Variants in CYP4X1 observed in about 807,000 individuals in gnomAD.
CYP4X1 encodes the protein cytochrome P450 4X1.
In CYP4X1, 44 loss-of-function variants were observed where a neutral mutation model predicts 57.9. The observed-to-expected ratio is 0.76, with a 90% CI of 0.60 to 0.98. The LOEUF (loss-of-function observed/expected upper bound fraction) is 0.98, where lower values mean the gene tolerates loss of function less well. Ranked by LOEUF, CYP4X1 falls within the 50% of genes least tolerant of loss-of-function variation. The pLI is 0.00. For synonymous variants in CYP4X1, 227 were observed against 228.6 expected (o/e 0.99, Z 0.06); for missense variants, 532 against 623.9 (o/e 0.85, Z 1.57).
the CYP4X1 span, among the ~76,000 whole-genome samples, chr1:46,983,206 G>C: frequency 6.6e-6 from 1 of 152,198 alleles, no homozygotes; most frequent in Non-Finnish European, 1.5e-5. Context: ...CAGTGGCAGA[G>C]GGCATGTCTG....
At chr1:47,044,779 A>T (rs1281224433) in intron 8 of CYP4X1, among the ~76,000 whole-genome samples, 2 of 151,314 alleles carry the variant, frequency 1.3e-5, no homozygotes, top group Admixed American at 6.6e-5. Flanking sequence ...AATGGACAAA[A>T]TTGTTTTTTT....
At chr1:46,964,750 C>T in the CYP4X1 span, among the ~76,000 whole-genome samples, 4 of 152,218 alleles carry the variant, frequency 2.6e-5, no homozygotes, top group East Asian at 7.7e-4. Context: ...GGGAGAACCA[C>T]TACTCTCTTC....
At chr1:47,042,277 A>G (rs1569646034) in intron 8 of CYP4X1, among the ~76,000 whole-genome samples, 1 of 130,596 alleles carries the variant, frequency 7.7e-6, no homozygotes, top group African/African-American at 3.0e-5. Context: ...TTCCATACGA[A>G]TTTTAGGGCT....
At chr1:47,005,322 G>A in the CYP4X1 span, among the ~76,000 whole-genome samples, 1 of 152,136 alleles carries the variant, frequency 6.6e-6, no homozygotes, top group Non-Finnish European at 1.5e-5. Flanking sequence ...CCCAAGCAGG[G>A]GGCTTGGTTA....
the CYP4X1 span, among the ~76,000 whole-genome samples, chr1:46,962,803 C>T: frequency 2.6e-4 from 40 of 152,190 alleles, no homozygotes; most frequent in Non-Finnish European, 4.3e-4. Context: ...TCTTGGATAT[C>T]GGTTGTTAAC....
chr1:46,972,712 G>A, the CYP4X1 span, among the ~76,000 whole-genome samples: 1 of 151,996 alleles, frequency 6.6e-6, no homozygotes, highest in South Asian at 2.1e-4. Flanking sequence ...GAATGGGATT[G>A]CATTTCTGAG....
At chr1:47,030,251 A>G in intron 2 of CYP4X1, 120 bp downstream of exon 2, 1 of 1,273,894 alleles carries the variant, frequency 7.8e-7, no homozygotes, top group Non-Finnish European at 1.1e-6. Flanking sequence ...AGCAGCAAGT[A>G]TGGGGAGGTG....
At chr1:47,041,744 T>C (rs1444909290) in intron 8 of CYP4X1, among the ~76,000 whole-genome samples, 1 of 149,502 alleles carries the variant, frequency 6.7e-6, no homozygotes, top group Non-Finnish European at 1.5e-5. Flanking sequence ...CTTCACTATG[T>C]TGATTGTTTC....
intron 1 of CYP4X1, among the ~76,000 whole-genome samples, chr1:47,027,295 G>C (rs1644078207): frequency 6.6e-6 from 1 of 151,724 alleles, no homozygotes; most frequent in African/African-American, 2.4e-5. Flanking sequence ...TCCTTTTGGT[G>C]ATTCACCATG....
chr1:47,017,706 G>A, the CYP4X1 span, among the ~76,000 whole-genome samples: 1 of 152,140 alleles, frequency 6.6e-6, no homozygotes, highest in African/African-American at 2.4e-5. Context: ...AGGCTAATCA[G>A]AAACTCAAAA....
the CYP4X1 span, among the ~76,000 whole-genome samples, chr1:46,981,478 A>G: frequency 6.6e-6 from 1 of 152,160 alleles, no homozygotes; most frequent in Non-Finnish European, 1.5e-5. Flanking sequence ...AAAGTCAGGA[A>G]ACAACAGGTG....
chr1:47,024,133 T>C, intron 1 of CYP4X1, 139 bp downstream of exon 1: 6 of 1,040,310 alleles, frequency 5.8e-6, no homozygotes, highest in Non-Finnish European at 8.2e-6. Flanking sequence ...CAGCCCGGCC[T>C]GTGGCTCTTA....
chr1:47,030,096 A>G lies in CYP4X1; in HGVS notation c.284A>G (p.Asp95Gly). The G allele has an allele frequency of 6.2e-7, 1 of 1,614,072 alleles. No individual in the cohort carries two copies. The highest frequency in any genetic ancestry group is 1.1e-5 in the South Asian group (1 of 91,064). Residue 95 changes from aspartate to glycine, a missense_variant, in exon 2 of 12, where the codon GAC becomes GGC. Physicochemically the swap from Asp to Gly is moderately conservative, Grantham distance 94 (BLOSUM62 -1). Transcript: ENST00000371901. The stretch of plus-strand genomic sequence containing the variant: ...TTTCAGGCATTTTTCTGTATCTATG[A>G]CCCAGACTATGCAAAGACACTTCTG... ...GPFQAFFCIYDPDYAKTLLSR... is the reference protein window; with the variant it reads ...GPFQAFFCIYGPDYAKTLLSR...
the CYP4X1 span, among the ~76,000 whole-genome samples, chr1:47,014,905 G>A: frequency 3.3e-5 from 5 of 152,266 alleles, no homozygotes; most frequent in South Asian, 2.1e-4. Context: ...AGCACAGGTC[G>A]TATAGCCCAC....
chr1:47,039,744 T>C (rs926993244), intron 8 of CYP4X1: 2 of 378,206 alleles, frequency 5.3e-6, no homozygotes, highest in African/African-American at 4.2e-5. Context: ...CCATAAATTG[T>C]CTGTCATTGG....
At chr1:47,007,909 A>T in the CYP4X1 span, among the ~76,000 whole-genome samples, 16 of 152,240 alleles carry the variant, frequency 1.1e-4, no homozygotes, top group Admixed American at 2.0e-4. Context: ...GCCTCCAAGA[A>T]ATATGGGACT....
the CYP4X1 span, among the ~76,000 whole-genome samples, chr1:46,985,040 A>G: frequency 6.6e-6 from 1 of 152,188 alleles, no homozygotes; most frequent in Non-Finnish European, 1.5e-5. Context: ...ATCTGCCATT[A>G]CTAAGGCTTG....
chr1:47,015,373 C>T, the CYP4X1 span, among the ~76,000 whole-genome samples: 14 of 152,150 alleles, frequency 9.2e-5, no homozygotes, highest in African/African-American at 3.4e-4. Flanking sequence ...ACAGCTTGCT[C>T]GTCAATGCCC....
At chr1:46,989,490 G>T in the CYP4X1 span, among the ~76,000 whole-genome samples, 5 of 152,106 alleles carry the variant, frequency 3.3e-5, no homozygotes, top group Admixed American at 1.3e-4. Context: ...GTAATTTATA[G>T]ATTCAATACT....
Sources: allele counts gnomAD v4.1 joint callset (sites outside exome capture counted in the v4.1 genomes callset), GRCh38; gene constraint gnomAD v4.1.1; transcripts MANE v1.5; gene names NCBI Gene and HGNC (gene_info 2026-07-23, HGNC 2026-07-21).